LUZP2: variants seen among roughly 807,000 people sequenced by gnomAD.
The protein encoded by LUZP2 is leucine zipper protein 2.
LUZP2 carries 52 observed loss-of-function variants against 51.6 expected under a neutral mutation model. The ratio of observed to expected loss-of-function variants is 1.01; its 90% CI spans 0.81 to 1.27. The LOEUF (loss-of-function observed/expected upper bound fraction) is 1.27, where lower values mean the gene tolerates loss of function less well. LUZP2 is among the 50% of genes most tolerant of loss of function. The pLI, the probability that LUZP2 is intolerant of heterozygous loss-of-function variation, is 0.00. For missense variants in LUZP2, 436 were observed against 395.4 expected, an observed-to-expected ratio of 1.10 and a Z score of -0.87; for synonymous variants, 154 against 137.3, an observed-to-expected ratio of 1.12 and a Z score of -0.85.
intron 7 of LUZP2, among the ~76,000 whole-genome samples, chr11:24,942,823 G>A (rs953379126): frequency 1.3e-5 from 2 of 152,064 alleles, no homozygotes; most frequent in Non-Finnish European, 2.9e-5. Flanking sequence ...GTTTGTCCTT[G>A]TGTTTTCTTT....
intron 7 of LUZP2, among the ~76,000 whole-genome samples, chr11:24,940,373 T>C (rs1262785305): frequency 6.6e-6 from 1 of 152,172 alleles, no homozygotes; most frequent in African/African-American, 2.4e-5. Flanking sequence ...TCATTAAGCC[T>C]GTATTTTATC....
intron 4 of LUZP2, among the ~76,000 whole-genome samples, chr11:24,742,203 C>T (rs1465714299): frequency 6.6e-6 from 1 of 151,038 alleles, no homozygotes; most frequent in Non-Finnish European, 1.5e-5. Context: ...TAATTTTCCT[C>T]TGGGTAGATA....
chr11:24,844,031 G>C lies in LUZP2; in HGVS notation c.397-61960G>C, dbSNP rs2716513. Among the ~76,000 whole-genome samples, 7 of 152,096 alleles carry C rather than the reference G, an allele frequency of 4.6e-5. No homozygotes were observed. The South Asian group carries it at 1.5e-3, about 32-fold the overall frequency. On this transcript the variant is annotated intron_variant, in intron 5 of 11. Transcript: ENST00000336930. ...ACAGTAGATTGGTACCAGTAGAGTG[G>C]GGCATTGCTAAAAAGATACCCAGAG...
chr11:24,928,159 T>A (rs942196598), intron 7 of LUZP2, among the ~76,000 whole-genome samples: 2 of 152,014 alleles, frequency 1.3e-5, no homozygotes, highest in African/African-American at 4.8e-5. Flanking sequence ...TAGGGTTTTT[T>A]ATAAAATCAT....
chr11:24,823,369 A>G (rs1416586764), intron 5 of LUZP2, among the ~76,000 whole-genome samples: 1 of 150,558 alleles, frequency 6.6e-6, no homozygotes, highest in Non-Finnish European at 1.5e-5. Context: ...CAAAAAGGGA[A>G]TAGGAAACAA....
rs149781283 is a variant in LUZP2, at chr11:24,740,874, G to A, written c.333+2572G>A. Among the ~76,000 whole-genome samples, 892 of 152,076 alleles carry A rather than the reference G, an allele frequency of 5.9e-3. 7 individuals carry two copies. Among genetic ancestry groups the A allele is most frequent in the Non-Finnish European group, 7.2e-3 (488 of 67,974 alleles). On this transcript the variant is annotated intron_variant, in intron 4 of 11. Transcript: ENST00000336930. ...TACTAATGTAACAGGTTATTTGGTGGTTATATGAGATGATGCATGCACTGT... is the reference window on the plus strand; with the variant it reads ...TACTAATGTAACAGGTTATTTGGTGATTATATGAGATGATGCATGCACTGT...
At position 24,998,411 on chromosome 11, in the gene LUZP2, GCTCT is replaced by G. The variant is rs1013767729; in HGVS notation, c.765+15121_765+15124del. Among the ~76,000 whole-genome samples the G allele has an allele frequency of 5.9e-5, 9 of 152,094 alleles. No homozygotes were observed. The East Asian group carries it at 1.4e-3, about 23-fold the overall frequency. ...TGAATGGGAGTTCACTCATGATTTG[GCTCT>G]CTGTTTGTCTGTTATTGGTGTATAA... On this transcript the variant is annotated intron_variant, in intron 9 of 11. Transcript: ENST00000336930.
chr11:24,512,753 GTTTT>G (rs752175146), intron 1 of LUZP2, among the ~76,000 whole-genome samples: 1 of 140,844 alleles, frequency 7.1e-6, no homozygotes, highest in Non-Finnish European at 1.6e-5. Context: ...TTTTTTCTTT[GTTTT>G]TTTTTTTTTG....
At chr11:24,821,791 T>C (rs1417699055) in intron 5 of LUZP2, among the ~76,000 whole-genome samples, 2 of 151,924 alleles carry the variant, frequency 1.3e-5, no homozygotes, top group Non-Finnish European at 2.9e-5. Context: ...GGAACTGTAG[T>C]TGAGGTATAA....
intron 5 of LUZP2, chr11:24,892,424 A>C: frequency 1.0e-6 from 1 of 976,466 alleles, no homozygotes; most frequent in Non-Finnish European, 1.2e-6. Context: ...CACTTATTAT[A>C]AAAATTAAAA....
chr11:24,951,779 G>A (rs1186243288), intron 7 of LUZP2, among the ~76,000 whole-genome samples: 1 of 151,496 alleles, frequency 6.6e-6, no homozygotes, highest in Non-Finnish European at 1.5e-5. Flanking sequence ...CATTCTAAAT[G>A]TAATAAAAGT....
chr11:24,863,010 T>TAC (rs1851785188), intron 5 of LUZP2, among the ~76,000 whole-genome samples: 1 of 152,170 alleles, frequency 6.6e-6, no homozygotes, highest in East Asian at 1.9e-4. Context: ...GAAACCACTT[T>TAC]ACACTCACAG....
intron 4 of LUZP2, among the ~76,000 whole-genome samples, chr11:24,739,740 A>G (rs899960836): frequency 1.4e-4 from 22 of 152,118 alleles, no homozygotes; most frequent in Non-Finnish European, 1.6e-4. Context: ...CCAGTCTGTC[A>G]TCTGCAACAG....
intron 4 of LUZP2, among the ~76,000 whole-genome samples, chr11:24,753,936 G>A (rs1369975664): frequency 2.0e-5 from 3 of 152,144 alleles, no homozygotes; most frequent in Non-Finnish European, 4.4e-5. Flanking sequence ...AGAGCAAACT[G>A]GTTTGGGGCC....
chr11:24,816,477 G>A (rs1180740279), intron 5 of LUZP2, among the ~76,000 whole-genome samples: 1 of 151,842 alleles, frequency 6.6e-6, no homozygotes, highest in Admixed American at 6.6e-5. Context: ...TGGCACTTAT[G>A]GAATTGAAAT....
At chr11:24,996,380 C>G (rs1856497957) in intron 9 of LUZP2, among the ~76,000 whole-genome samples, 1 of 151,018 alleles carries the variant, frequency 6.6e-6, no homozygotes, top group Non-Finnish European at 1.5e-5. Context: ...TTTAAATTTT[C>G]TAGAATGGAT....
chr11:24,765,506 T>G (rs1293702476), intron 5 of LUZP2, among the ~76,000 whole-genome samples: 1 of 152,168 alleles, frequency 6.6e-6, no homozygotes, highest in Non-Finnish European at 1.5e-5. Context: ...CTGCATCTAT[T>G]GAGACAACCG....
chr11:24,803,245 T>G (rs2134120158), intron 5 of LUZP2, among the ~76,000 whole-genome samples: 1 of 152,144 alleles, frequency 6.6e-6, no homozygotes, highest in Admixed American at 6.6e-5. Context: ...ATATAATGGC[T>G]AAGTAGCTGG....
intron 5 of LUZP2, among the ~76,000 whole-genome samples, chr11:24,856,238 TAAC>T (rs937432076): frequency 1.8e-4 from 28 of 151,868 alleles, no homozygotes; most frequent in South Asian, 8.3e-4. Context: ...ACAAGGAACT[TAAC>T]AACAAGAAAC....
Sources: allele counts gnomAD v4.1 joint callset (sites outside exome capture counted in the v4.1 genomes callset), GRCh38; gene constraint gnomAD v4.1.1; transcripts MANE v1.5; gene names NCBI Gene and HGNC (gene_info 2026-07-23, HGNC 2026-07-21).